SNRPN: variants seen among roughly 807,000 people sequenced by gnomAD.
The protein encoded by SNRPN is small nuclear ribonucleoprotein-associated protein N.
A neutral mutation model predicts 25.2 loss-of-function variants in SNRPN; 7 were observed. That is an observed-to-expected ratio of 0.28 (90% CI 0.16 to 0.52). The LOEUF is 0.52. Among genes scored for constraint, SNRPN ranks in the 20% least tolerant of loss-of-function variants. SNRPN has a pLI of 0.96. For synonymous variants in SNRPN, 124 were observed against 110.6 expected (o/e 1.12, Z -0.76); for missense variants, 196 against 322.5 (o/e 0.61, Z 3.00).
chr15:24,843,024 T>C (rs1218099099), intron 2 of SNRPN, among the ~76,000 whole-genome samples: 2 of 152,216 alleles, frequency 1.3e-5, no homozygotes, highest in African/African-American at 4.8e-5. Context: ...TTGTTTCTTT[T>C]TGAAACTGAC....
intron 1 of SNRPN, among the ~76,000 whole-genome samples, chr15:24,961,363 T>C (rs2074776806): frequency 6.6e-6 from 1 of 152,214 alleles, no homozygotes; most frequent in Non-Finnish European, 1.5e-5. Context: ...CTTTGAATTT[T>C]GCTTTTGAGA....
At chr15:24,893,037 C>A (rs1425629384) in intron 2 of SNRPN, among the ~76,000 whole-genome samples, 1 of 151,680 alleles carries the variant, frequency 6.6e-6, no homozygotes, top group Non-Finnish European at 1.5e-5. Flanking sequence ...GGTGAAACCC[C>A]GTCTCTACTA....
At chr15:24,889,625 A>G (rs1369673565) in intron 2 of SNRPN, among the ~76,000 whole-genome samples, 4 of 152,032 alleles carry the variant, frequency 2.6e-5, no homozygotes, top group South Asian at 4.1e-4. Flanking sequence ...TTCTTAAGAG[A>G]GGTGAACCAG....
Position 24,830,721 on chromosome 15 carries a change from C to T in SNRPN, c.-579+816C>T, listed in dbSNP as rs969011443. Among the ~76,000 whole-genome samples the T allele has an allele frequency of 1.1e-4, 16 of 152,046 alleles. 1 individual carries two copies. Among genetic ancestry groups the T allele is most frequent in the African/African-American group, 3.1e-4 (13 of 41,336 alleles). ...TTGGAAATGAATTATATAATCTCCA[C>T]GTATTTTGCAATTCACCAGTTTTTA... On this transcript the variant is annotated intron_variant, in intron 2 of 12. Coordinates refer to the SNRPN transcript ENST00000400100.
chr15:24,915,295 T>C (rs185135300), intron 2 of SNRPN, among the ~76,000 whole-genome samples: 1 of 151,932 alleles, frequency 6.6e-6, no homozygotes, highest in Non-Finnish European at 1.5e-5. Flanking sequence ...ACCCGGCTAA[T>C]TTTTGTATTT....
At chr15:24,886,205 C>G (rs1359282739) in intron 1 of SNRPN, among the ~76,000 whole-genome samples, 1 of 152,186 alleles carries the variant, frequency 6.6e-6, no homozygotes, top group Non-Finnish European at 1.5e-5. Context: ...TCCTCATCCT[C>G]CACCATCCCT....
rs186525181 is a variant in SNRPN, at chr15:24,889,560, C to T, written c.-505+2971C>T. 2.2e-3 allele frequency among the ~76,000 whole-genome samples: 338 copies of T among 151,846 alleles called. 10 individuals carry two copies. The highest frequency in any genetic ancestry group is 0.02 in the Admixed American group (313 of 15,270). ...GACCTCGTGATTCACCCGCCTCGGC[C>T]TCCCAAAGTGCTGGGATTACAGGCA... On this transcript the variant is annotated intron_variant, in intron 2 of 11. Coordinates refer to the SNRPN transcript ENST00000400097.
At chr15:24,888,423 A>G (rs140192596) in intron 2 of SNRPN, among the ~76,000 whole-genome samples, 57 of 152,224 alleles carry the variant, frequency 3.7e-4, no homozygotes, top group Admixed American at 3.5e-3. Flanking sequence ...ACTGTCAACT[A>G]TATTTTCTTA....
At chr15:24,966,667 A>G (rs1341469367) in intron 2 of SNRPN, among the ~76,000 whole-genome samples, 1 of 152,208 alleles carries the variant, frequency 6.6e-6, no homozygotes, top group Non-Finnish European at 1.5e-5. Context: ...TTCACTGGGT[A>G]AATTCCAAGG....
At chr15:24,916,558 GA>G (rs1025707697) in intron 2 of SNRPN, among the ~76,000 whole-genome samples, 22 of 149,964 alleles carry the variant, frequency 1.5e-4, no homozygotes, top group African/African-American at 3.9e-4. Flanking sequence ...GTCTCTAGAA[GA>G]AAAAAAAAGA....
At chr15:24,827,944 TC>T (rs35775130) in intron 1 of SNRPN, among the ~76,000 whole-genome samples, 16,326 of 151,866 alleles carry the variant, frequency 0.11, 1,062 homozygotes, top group South Asian at 0.24. Flanking sequence ...AATTTTCAAC[TC>T]CATTGCAATC....
chr15:24,937,907 T>A (rs1409138460), intron 3 of SNRPN, among the ~76,000 whole-genome samples: 1 of 152,198 alleles, frequency 6.6e-6, no homozygotes, highest in East Asian at 1.9e-4. Flanking sequence ...TTCTGTGTAG[T>A]GTTTCCAAAA....
chr15:24,835,161 G>A (rs199879629), intron 2 of SNRPN, among the ~76,000 whole-genome samples: 1 of 38,534 alleles, frequency 2.6e-5, no homozygotes, highest in Non-Finnish European at 4.6e-5. Flanking sequence ...AAAATATATA[G>A]TATATATATG....
chr15:24,972,073 T>C (rs903148944), intron 3 of SNRPN, among the ~76,000 whole-genome samples: 1 of 152,088 alleles, frequency 6.6e-6, no homozygotes, highest in African/African-American at 2.4e-5. Flanking sequence ...CTGGCCAACG[T>C]AGCGAAATTC....
At chr15:24,866,093 A>T (rs1453089377) in intron 1 of SNRPN, among the ~76,000 whole-genome samples, 1 of 152,080 alleles carries the variant, frequency 6.6e-6, no homozygotes, top group Non-Finnish European at 1.5e-5. Flanking sequence ...TGACCCCACT[A>T]TTATTATGTA....
At chr15:24,879,304 G>T (rs904602764) in intron 1 of SNRPN, among the ~76,000 whole-genome samples, 2 of 151,964 alleles carry the variant, frequency 1.3e-5, no homozygotes, top group African/African-American at 4.8e-5. Context: ...GGGGGTGGTG[G>T]TGTTCGCCTG....
At chr15:24,976,836 G>A (rs2153704329) in intron 6 of SNRPN, 41 bp from the exon 7 acceptor site, 1 of 1,581,768 alleles carries the variant, frequency 6.3e-7, no homozygotes, top group East Asian at 2.3e-5. Context: ...CTGAGAACTT[G>A]TAAATTGTTT....
intron 2 of SNRPN, among the ~76,000 whole-genome samples, chr15:24,907,506 G>A (rs1595832044): frequency 6.6e-6 from 1 of 152,088 alleles, no homozygotes; most frequent in Admixed American, 6.6e-5. Context: ...GCTGAGGCAG[G>A]AGAATGGCAT....
intron 2 of SNRPN, among the ~76,000 whole-genome samples, chr15:24,916,578 A>G (rs2059537216): frequency 6.6e-6 from 1 of 152,208 alleles, no homozygotes; most frequent in African/African-American, 2.4e-5. Flanking sequence ...GAAGAAAAAA[A>G]TACATATACA....
Sources: allele counts gnomAD v4.1 joint callset (sites outside exome capture counted in the v4.1 genomes callset), GRCh38; gene constraint gnomAD v4.1.1; transcripts MANE v1.5; gene names NCBI Gene and HGNC (gene_info 2026-07-23, HGNC 2026-07-21).